Variants in HPSE2 observed in about 807,000 individuals in gnomAD.
HPSE2 encodes the protein heparanase 2 (inactive).
HPSE2 carries 38 observed loss-of-function variants against 60.5 expected under a neutral mutation model. That is an observed-to-expected ratio of 0.63 (90% CI 0.48 to 0.82). The LOEUF is 0.82. Ranked by LOEUF, HPSE2 falls within the 40% of genes least tolerant of loss-of-function variation. The pLI is 0.00. For synonymous variants in HPSE2, 295 were observed against 293.2 expected, an observed-to-expected ratio of 1.01 and a Z score of -0.06; for missense variants, 713 against 740.4, an observed-to-expected ratio of 0.96 and a Z score of 0.43.
intron 6 of HPSE2, among the ~76,000 whole-genome samples, chr10:98,670,231 A>G (rs1947471310): frequency 6.6e-6 from 1 of 152,176 alleles, no homozygotes; most frequent in Non-Finnish European, 1.5e-5. Flanking sequence ...TCCAAGTCAG[A>G]TGAAGAGACA....
intron 3 of HPSE2, among the ~76,000 whole-genome samples, chr10:98,964,863 C>T (rs1320270109): frequency 2.0e-5 from 3 of 152,114 alleles, no homozygotes; most frequent in African/African-American, 7.2e-5. Flanking sequence ...CAATGCCAAT[C>T]CCTGATTTAT....
chr10:98,459,888 G>T, intron 11 of HPSE2, 149 bp from the exon 12 acceptor site: 2 of 780,886 alleles, frequency 2.6e-6, no homozygotes, highest in Non-Finnish European at 2.1e-6. Context: ...TTCTGACCTA[G>T]GTGCTTTACT....
At chr10:99,013,990 G>A (rs774440757) in intron 3 of HPSE2, 11 of 353,466 alleles carry the variant, frequency 3.1e-5, no homozygotes, top group South Asian at 6.8e-5. Context: ...CACCCAGACC[G>A]CCTGGCCTCC....
chr10:98,558,913 G>A lies in HPSE2; in HGVS notation c.1320+55991C>T, dbSNP rs576112198. On this transcript the variant is annotated intron_variant, in intron 9 of 11. Coordinates refer to ENST00000370552, the MANE Select transcript of HPSE2 (RefSeq NM_021828.5). ...AATCCTCTGGAGCTGAGCAGAGGCC[G>A]TACCCTTGAGATAGGGTATACACCA... is the stretch of plus-strand genomic sequence containing the variant. Among the ~76,000 whole-genome samples the A allele has an allele frequency of 9.8e-5, 15 of 152,298 alleles. No homozygotes were observed. In the East Asian group the frequency reaches 1.2e-3, roughly 12 times the overall value.
chr10:98,576,980 C>T (rs1005342494), intron 9 of HPSE2, among the ~76,000 whole-genome samples: 4 of 151,936 alleles, frequency 2.6e-5, no homozygotes, highest in Non-Finnish European at 5.9e-5. Flanking sequence ...CTGGTACGAA[C>T]GATGAGGATT....
In HPSE2 at chr10:99,069,667, G is replaced by A. The variant is rs539180050; in HGVS notation, c.610+74571C>T. ...TCTTCACAGTTGTGAGTGATGTTAC[G>A]AAAAGTATTTAGCTAAAAATCAGCA... is the stretch of plus-strand genomic sequence containing the variant. On this transcript the variant is annotated intron_variant, in intron 3 of 11. Coordinates refer to ENST00000370552, the MANE Select transcript of HPSE2 (RefSeq NM_021828.5). Among the ~76,000 whole-genome samples the A allele has an allele frequency of 1.1e-3, 173 of 150,994 alleles. 1 individual carries two copies. The highest frequency in any genetic ancestry group is 1.9e-3 in the Non-Finnish European group (129 of 67,814).
chr10:98,892,178 G>T (rs1953353788), intron 3 of HPSE2, among the ~76,000 whole-genome samples: 1 of 152,038 alleles, frequency 6.6e-6, no homozygotes. Flanking sequence ...AAAAAGATTA[G>T]CAAAAAGTGA....
At chr10:99,170,447 T>G (rs1410298366) in intron 2 of HPSE2, among the ~76,000 whole-genome samples, 1 of 152,204 alleles carries the variant, frequency 6.6e-6, no homozygotes. Flanking sequence ...AGAATGTTCA[T>G]GAAAACATGC....
At chr10:98,667,294 C>T (rs753154513) in intron 6 of HPSE2, among the ~76,000 whole-genome samples, 2 of 152,000 alleles carry the variant, frequency 1.3e-5, no homozygotes, top group Non-Finnish European at 2.9e-5. Context: ...AAAAGCCTGC[C>T]AACTAAAAGG....
intron 3 of HPSE2, among the ~76,000 whole-genome samples, chr10:98,794,383 A>G (rs1161863070): frequency 6.6e-6 from 1 of 151,856 alleles, no homozygotes; most frequent in Non-Finnish European, 1.5e-5. Flanking sequence ...AGCTGGGATT[A>G]CAGGTGCGAA....
chr10:98,571,237 C>T (rs1345835820), intron 9 of HPSE2, among the ~76,000 whole-genome samples: 1 of 152,172 alleles, frequency 6.6e-6, no homozygotes, highest in East Asian at 1.9e-4. Flanking sequence ...AGGCATGTAG[C>T]TCATGCCTGT....
rs895573090 is a variant in HPSE2, at chr10:98,767,699, A to T, written c.611-23643T>A. On this transcript the variant is annotated intron_variant, in intron 3 of 11. Coordinates refer to ENST00000370552, the MANE Select transcript of HPSE2 (RefSeq NM_021828.5). ...ATAAATTATATCAATATTTTTATAC[A>T]TGATATATAATAAATTCATATATAA... Among the ~76,000 whole-genome samples the T allele has an allele frequency of 4.1e-5, 6 of 145,478 alleles. No individual in the cohort carries two copies. The East Asian group carries it at 1.2e-3, about 29-fold the overall frequency.
chr10:99,114,018 C>T (rs889815075), intron 3 of HPSE2, among the ~76,000 whole-genome samples: 3 of 152,190 alleles, frequency 2.0e-5, no homozygotes, highest in African/African-American at 7.2e-5. Context: ...TTTAAGTCCA[C>T]TTAGCTAGGG....
At chr10:98,524,099 A>G (rs538181682) in intron 9 of HPSE2, among the ~76,000 whole-genome samples, 2 of 152,334 alleles carry the variant, frequency 1.3e-5, no homozygotes, top group African/African-American at 4.8e-5. Context: ...ACAGTTGCAC[A>G]AGGCCCCATG....
intron 5 of HPSE2, among the ~76,000 whole-genome samples, chr10:98,698,303 G>A (rs1216389520): frequency 3.2e-4 from 48 of 151,132 alleles, no homozygotes; most frequent in African/African-American, 1.1e-3. Flanking sequence ...TCAGACCACA[G>A]TGCAATCAAA....
intron 3 of HPSE2, among the ~76,000 whole-genome samples, chr10:98,755,632 CA>C (rs1198193611): frequency 3.3e-5 from 5 of 152,068 alleles, no homozygotes; most frequent in Non-Finnish European, 7.4e-5. Flanking sequence ...AAACAATTTT[CA>C]AAAAAATTTT....
At chr10:99,268,475 C>T in the HPSE2 span, among the ~76,000 whole-genome samples, 1 of 151,744 alleles carries the variant, frequency 6.6e-6, no homozygotes, top group Non-Finnish European at 1.5e-5. Flanking sequence ...AACCCCGTCT[C>T]AACTAAAAAA....
intron 9 of HPSE2, among the ~76,000 whole-genome samples, chr10:98,552,140 A>C (rs1357080036): frequency 7.2e-6 from 1 of 139,432 alleles, no homozygotes; most frequent in Non-Finnish European, 1.6e-5. Context: ...AAGGAGAAGC[A>C]TGTTTATAGG....
intron 9 of HPSE2, among the ~76,000 whole-genome samples, chr10:98,577,960 G>A (rs1944688028): frequency 6.6e-6 from 1 of 152,092 alleles, no homozygotes; most frequent in Non-Finnish European, 1.5e-5. Context: ...ATAAGATTGG[G>A]AAAACTTTTA....
Sources: allele counts gnomAD v4.1 joint callset (sites outside exome capture counted in the v4.1 genomes callset), GRCh38; gene constraint gnomAD v4.1.1; transcripts MANE v1.5; gene names NCBI Gene and HGNC (gene_info 2026-07-23, HGNC 2026-07-21).